PDE1C: variants seen among roughly 807,000 people sequenced by gnomAD.
The protein encoded by PDE1C is dual specificity calcium/calmodulin-dependent 3',5'-cyclic nucleotide phosphodiesterase 1C.
In PDE1C, 62 loss-of-function variants were observed where a neutral mutation model predicts 93.1. The ratio of observed to expected loss-of-function variants is 0.67; its 90% CI spans 0.54 to 0.82. The LOEUF is 0.82. PDE1C is among the 40% of genes least tolerant of loss of function. The probability of loss-of-function intolerance (pLI) is 0.00; values close to 1 mark genes in which losing one functional copy is unlikely to be tolerated. For synonymous variants in PDE1C, 325 were observed against 310.1 expected, an observed-to-expected ratio of 1.05 and a Z score of -0.50; for missense variants, 742 against 884.6, an observed-to-expected ratio of 0.84 and a Z score of 2.04.
the PDE1C span, among the ~76,000 whole-genome samples, chr7:31,625,679 G>C: frequency 1.3e-5 from 2 of 151,994 alleles, no homozygotes; most frequent in African/African-American, 2.4e-5. Flanking sequence ...GCTAGATGAC[G>C]AGTTAGTGGG....
At chr7:31,932,189 A>G (rs1456415485) in intron 2 of PDE1C, among the ~76,000 whole-genome samples, 3 of 152,226 alleles carry the variant, frequency 2.0e-5, no homozygotes, top group African/African-American at 7.2e-5. Flanking sequence ...AACGAAAGCA[A>G]TGGCAACAGA....
At chr7:32,131,382 T>C (rs1171917933) in intron 3 of PDE1C, among the ~76,000 whole-genome samples, 2 of 152,166 alleles carry the variant, frequency 1.3e-5, no homozygotes, top group Non-Finnish European at 2.9e-5. Flanking sequence ...CAGAACCTAG[T>C]TCATGGTAGA....
At chr7:32,086,840 T>A (rs148076379) in intron 3 of PDE1C, among the ~76,000 whole-genome samples, 8,296 of 152,048 alleles carry the variant, frequency 0.055, 299 homozygotes, top group Non-Finnish European at 0.079. Flanking sequence ...TTGCACCTTA[T>A]ACAAAAATTA....
Position 31,808,638 on chromosome 7 carries a change from A to G in PDE1C, c.1891+393T>C, listed in dbSNP as rs1008263625. Reference sequence around the variant, plus strand: ...GTTCAAGGAAAAAAAACATGAAAACATAAAACATGGAACATTTCTTATTTA... The same window carrying G: ...GTTCAAGGAAAAAAAACATGAAAACGTAAAACATGGAACATTTCTTATTTA... On this transcript the variant is annotated intron_variant, in intron 16 of 17. Coordinates refer to ENST00000396191, the MANE Select transcript of PDE1C (RefSeq NM_001191057.4). 4.6e-5 allele frequency among the ~76,000 whole-genome samples: 7 copies of G among 152,146 alleles called. No homozygotes were observed. In the East Asian group the frequency reaches 9.7e-4, roughly 21 times the overall value.
exon 1 of PDE1C, chr7:32,298,735 T>G (rs963532735): frequency 4.4e-6 from 7 of 1,591,320 alleles, no homozygotes. Context: ...GCGTCCGTCA[T>G]GGCTCGGCCG....
downstream of PDE1C, among the ~76,000 whole-genome samples, chr7:31,749,273 G>A (rs1794069713): frequency 1.3e-5 from 2 of 152,106 alleles, no homozygotes; most frequent in African/African-American, 4.8e-5. Context: ...TAAACAAGCA[G>A]AACTCCTGGG....
chr7:32,391,435 T>C (rs2128093100), intron 1 of PDE1C, among the ~76,000 whole-genome samples: 4 of 152,254 alleles, frequency 2.6e-5, no homozygotes, highest in Admixed American at 2.6e-4. Context: ...GAATAATGAA[T>C]AAACAGCTAG....
intron 15 of PDE1C, among the ~76,000 whole-genome samples, chr7:31,811,762 T>C (rs554751909): frequency 1.3e-5 from 2 of 152,196 alleles, no homozygotes; most frequent in East Asian, 1.9e-4. Flanking sequence ...CAGCAGCCCA[T>C]GATGGTTCCT....
At chr7:32,231,589 T>G (rs1231689117) in intron 1 of PDE1C, among the ~76,000 whole-genome samples, 2 of 152,098 alleles carry the variant, frequency 1.3e-5, no homozygotes, top group Non-Finnish European at 2.9e-5. Context: ...TACAATCAAG[T>G]TCTATTAAAC....
intron 16 of PDE1C, among the ~76,000 whole-genome samples, chr7:31,790,532 G>C (rs893266173): frequency 6.6e-6 from 1 of 152,086 alleles, no homozygotes; most frequent in Non-Finnish European, 1.5e-5. Flanking sequence ...CATGCAGTAG[G>C]GATATTAAGC....
At chr7:32,285,044 GAAAAAAGA>G (rs1312269723) in intron 1 of PDE1C, among the ~76,000 whole-genome samples, 81 of 149,824 alleles carry the variant, frequency 5.4e-4, no homozygotes, top group African/African-American at 1.8e-3. Context: ...AAAAAAAAAA[GAAAAAAGA>G]AAAAAAGAAA....
At chr7:31,915,280 C>T (rs1056769724) in intron 2 of PDE1C, among the ~76,000 whole-genome samples, 2 of 152,182 alleles carry the variant, frequency 1.3e-5, no homozygotes, top group South Asian at 2.1e-4. Flanking sequence ...AACCTAAATG[C>T]GTTCCAGCAG....
chr7:32,384,181 G>A (rs971686049), intron 1 of PDE1C, among the ~76,000 whole-genome samples: 1 of 152,028 alleles, frequency 6.6e-6, no homozygotes, highest in Non-Finnish European at 1.5e-5. Flanking sequence ...TCATTTTGTG[G>A]CAAGATAATG....
intron 16 of PDE1C, among the ~76,000 whole-genome samples, chr7:31,794,887 C>G (rs1453032512): frequency 1.3e-5 from 2 of 151,984 alleles, no homozygotes; most frequent in Non-Finnish European, 2.9e-5. Context: ...ATTCTGACTA[C>G]TCTTCATGTT....
intron 3 of PDE1C, among the ~76,000 whole-genome samples, chr7:32,147,702 C>T (rs975886152): frequency 2.0e-5 from 3 of 151,892 alleles, no homozygotes; most frequent in Non-Finnish European, 4.4e-5. Context: ...CTTCCTCCCA[C>T]CCCCCCTCCA....
At chr7:32,245,968 C>CTTTTT (rs369247468) in intron 1 of PDE1C, among the ~76,000 whole-genome samples, 43 of 94,788 alleles carry the variant, frequency 4.5e-4, no homozygotes, top group African/African-American at 6.3e-4. Flanking sequence ...TTTTTCTTTT[C>CTTTTT]TTTTTTTTTT....
the PDE1C span, chr7:31,697,211 G>GC: frequency 1.4e-6 from 2 of 1,468,266 alleles, 1 homozygote; most frequent in South Asian, 2.7e-5. Flanking sequence ...CCGTTGTCCT[G>GC]CCCCAGCAAG....
At chr7:32,425,155 T>C (rs889100645) in intron 1 of PDE1C, among the ~76,000 whole-genome samples, 2 of 151,964 alleles carry the variant, frequency 1.3e-5, no homozygotes, top group African/African-American at 4.8e-5. Context: ...CATCTTGGCT[T>C]ATAAAGTACA....
In PDE1C at chr7:31,903,400, A is replaced by C. The variant is rs140941463; in HGVS notation, c.129-22540T>G. The stretch of plus-strand genomic sequence containing the variant: ...AGATCCTATTTTTACAAAAAGTCAT[A>C]AAATACAAGGAAGAACTTTTTATAA... On this transcript the variant is annotated intron_variant, in intron 2 of 17. Coordinates refer to ENST00000396191, the MANE Select transcript of PDE1C (RefSeq NM_001191057.4). Among the ~76,000 whole-genome samples, 556 of 152,172 alleles carry C rather than the reference A, an allele frequency of 3.7e-3. 2 individuals are homozygous for C. Among genetic ancestry groups the C allele is most frequent in the African/African-American group, 0.012 (513 of 41,564 alleles).
Sources: allele counts gnomAD v4.1 joint callset (sites outside exome capture counted in the v4.1 genomes callset), GRCh38; gene constraint gnomAD v4.1.1; transcripts MANE v1.5; gene names NCBI Gene and HGNC (gene_info 2026-07-23, HGNC 2026-07-21).